PARL: variants seen among roughly 807,000 people sequenced by gnomAD.
PARL encodes the protein presenilin associated rhomboid like.
In PARL, 44 loss-of-function variants were observed where a neutral mutation model predicts 51.6. That is an observed-to-expected ratio of 0.85 (90% CI 0.67 to 1.10). The LOEUF (loss-of-function observed/expected upper bound fraction) is 1.10. Among genes scored for constraint, PARL ranks in the 50% least tolerant of loss-of-function variants. The pLI is 0.00. For missense variants in PARL, 441 were observed against 469.5 expected (o/e 0.94, Z 0.56); for synonymous variants, 172 against 164.0 (o/e 1.05, Z -0.37).
intron 2 of PARL, 66 bp downstream of exon 2, chr3:183,867,798 TG>T: frequency 4.2e-6 from 5 of 1,179,636 alleles, no homozygotes; most frequent in Admixed American, 1.7e-5. Flanking sequence ...GGAGCCCAAA[TG>T]GGACAAAGTA....
At chr3:183,857,050 G>A (rs898315381) in intron 4 of PARL, among the ~76,000 whole-genome samples, 1 of 152,106 alleles carries the variant, frequency 6.6e-6, no homozygotes, top group African/African-American at 2.4e-5. Flanking sequence ...CATTTACATG[G>A]AATACCATAA....
At chr3:183,869,443 G>A (rs927745102) in intron 1 of PARL, among the ~76,000 whole-genome samples, 9 of 151,956 alleles carry the variant, frequency 5.9e-5, no homozygotes, top group Non-Finnish European at 1.0e-4. Flanking sequence ...CCTGACCTCA[G>A]GTGATCCACC....
chr3:183,845,550 AC>A (rs1469978870), intron 4 of PARL, among the ~76,000 whole-genome samples: 1 of 152,174 alleles, frequency 6.6e-6, no homozygotes. Flanking sequence ...GCATTATACC[AC>A]CTTTGGTAAA....
chr3:183,864,129 T>C (rs1168602628), intron 3 of PARL, among the ~76,000 whole-genome samples: 1 of 152,166 alleles, frequency 6.6e-6, no homozygotes, highest in Non-Finnish European at 1.5e-5. Flanking sequence ...TTATTGTCAT[T>C]TTCACCTGCA....
intron 1 of PARL, among the ~76,000 whole-genome samples, chr3:183,882,057 T>C (rs2108726553): frequency 6.6e-6 from 1 of 150,492 alleles, no homozygotes; most frequent in African/African-American, 2.4e-5. Context: ...AAAACTTAGC[T>C]AGGCATCATG....
chr3:183,848,327 C>G (rs75070033), intron 4 of PARL, among the ~76,000 whole-genome samples: 5 of 152,228 alleles, frequency 3.3e-5, no homozygotes, highest in African/African-American at 1.2e-4. Flanking sequence ...CTGAAAGCTC[C>G]GCCTCCCGGG....
rs538658500 is a variant in PARL at position 183,837,254 on chromosome 3, A to G, written c.828+3316T>C. On this transcript the variant is annotated intron_variant, in intron 7 of 9. Coordinates refer to ENST00000317096, the MANE Select transcript of PARL (RefSeq NM_018622.7). ...GACCAGCTAGGAAGCCTGAGATTCA[A>G]TCAATGTTGTGGTGGTGAGTTCCCT... is the stretch of plus-strand genomic sequence containing the variant. Among the ~76,000 whole-genome samples, 134 of 152,298 alleles carry G rather than the reference A, an allele frequency of 8.8e-4. 1 individual carries two copies. The Middle Eastern group carries it at 0.024, about 27-fold the overall frequency.
intron 1 of PARL, among the ~76,000 whole-genome samples, chr3:183,882,264 T>C (rs867720560): frequency 2.8e-5 from 1 of 35,356 alleles, no homozygotes; most frequent in African/African-American, 1.0e-4. Flanking sequence ...TATATATATA[T>C]ATATTTATAT....
chr3:183,831,470 C>T (rs1038095125), intron 9 of PARL, among the ~76,000 whole-genome samples: 4 of 152,252 alleles, frequency 2.6e-5, no homozygotes, highest in Non-Finnish European at 5.9e-5. Flanking sequence ...TCATCTGAAA[C>T]TCCAGCTCTG....
At chr3:183,867,315 C>G (rs912180648) in intron 2 of PARL, among the ~76,000 whole-genome samples, 1 of 152,102 alleles carries the variant, frequency 6.6e-6, no homozygotes, top group African/African-American at 2.4e-5. Flanking sequence ...AACTTAGCAC[C>G]GCTTGAAATG....
intron 4 of PARL, among the ~76,000 whole-genome samples, chr3:183,847,549 G>A (rs1375559053): frequency 6.6e-6 from 1 of 151,828 alleles, no homozygotes; most frequent in East Asian, 1.9e-4. Context: ...GGGCGACAGA[G>A]GGAGACCCTG....
At chr3:183,842,215 G>T in intron 6 of PARL, 83 bp downstream of exon 6, 2 of 1,272,048 alleles carry the variant, frequency 1.6e-6, no homozygotes, top group South Asian at 1.2e-5. Context: ...TGTAGAATAT[G>T]GCAGTAATCA....
chr3:183,875,902 A>G (rs961247699), intron 1 of PARL, among the ~76,000 whole-genome samples: 2 of 152,340 alleles, frequency 1.3e-5, no homozygotes, highest in East Asian at 3.9e-4. Context: ...ACTAAGTTGA[A>G]GCCAATGCTC....
At chr3:183,850,213 A>G (rs1039274346) in intron 4 of PARL, among the ~76,000 whole-genome samples, 2 of 152,174 alleles carry the variant, frequency 1.3e-5, no homozygotes, top group Non-Finnish European at 2.9e-5. Flanking sequence ...TCTGAAATCA[A>G]GGTGTAAAGT....
chr3:183,827,189 T>C (rs536608055), downstream of PARL, among the ~76,000 whole-genome samples: 1 of 152,190 alleles, frequency 6.6e-6, no homozygotes, highest in South Asian at 2.1e-4. Context: ...AGATGGCTCA[T>C]GCGTGGAATC....
At chr3:183,882,822 C>A (rs1050247657) in intron 1 of PARL, among the ~76,000 whole-genome samples, 1 of 152,130 alleles carries the variant, frequency 6.6e-6, no homozygotes, top group African/African-American at 2.4e-5. Context: ...TTGTAAAATG[C>A]AAATTCCTGG....
chr3:183,845,899 G>C (rs1053011089), intron 4 of PARL, among the ~76,000 whole-genome samples: 1 of 152,168 alleles, frequency 6.6e-6, no homozygotes, highest in Non-Finnish European at 1.5e-5. Context: ...ACCTGAGAAT[G>C]GTCTGGCCAT....
chr3:183,863,587 T>C (rs1455131955), intron 3 of PARL, among the ~76,000 whole-genome samples: 2 of 152,170 alleles, frequency 1.3e-5, no homozygotes, highest in Admixed American at 6.6e-5. Context: ...GATTAGTATG[T>C]ATAGTTCCAT....
intron 1 of PARL, among the ~76,000 whole-genome samples, chr3:183,876,773 T>C (rs1211437330): frequency 6.6e-6 from 1 of 152,140 alleles, no homozygotes; most frequent in East Asian, 1.9e-4. Flanking sequence ...ATTCTAGATG[T>C]CATCGGGAAC....
Sources: gnomAD v4.1 joint callset for allele counts (sites outside exome capture counted in the v4.1 genomes callset) on GRCh38, gnomAD v4.1.1 for gene constraint, MANE v1.5 for transcripts, NCBI Gene and HGNC (gene_info 2026-07-23, HGNC 2026-07-21) for gene names.